POLA1: variants seen among roughly 807,000 people sequenced by gnomAD.
POLA1 encodes the protein DNA polymerase alpha 1, catalytic subunit.
In POLA1, 15 loss-of-function variants were observed where a neutral mutation model predicts 124.0. The ratio of observed to expected loss-of-function variants is 0.12; its 90% CI spans 0.08 to 0.19. POLA1 has a LOEUF of 0.19. Among genes scored for constraint, POLA1 ranks in the 10% least tolerant of loss-of-function variants. The pLI is 1.00. For synonymous variants in POLA1, 408 were observed against 389.4 expected, an observed-to-expected ratio of 1.05 and a Z score of -0.56; for missense variants, 886 against 1,103.4, an observed-to-expected ratio of 0.80 and a Z score of 2.79.
At chrX:24,959,771 C>T (rs1230954521) in intron 36 of POLA1, among the ~76,000 whole-genome samples, 1 of 111,601 alleles carries the variant, frequency 9.0e-6, no homozygotes, top group African/African-American at 3.3e-5. Context: ...TTTAGATGTA[C>T]TGGATTAAAT....
chrX:24,734,625 C>CT (rs1002933829), intron 17 of POLA1, among the ~76,000 whole-genome samples: 11 of 109,899 alleles, frequency 1.0e-4, no homozygotes, highest in South Asian at 7.7e-4. Context: ...GTCAAACCGA[C>CT]TTTTTTTTTG....
chrX:24,907,529 T>G (rs1390647141), intron 35 of POLA1, among the ~76,000 whole-genome samples: 1 of 111,762 alleles, frequency 8.9e-6, no homozygotes, highest in Non-Finnish European at 1.9e-5. Context: ...AAAAAAGATT[T>G]AACTGATGAT....
Position 24,902,053 on chromosome X carries a change from T to A in POLA1, c.4164+13931T>A, listed in dbSNP as rs772911625. Among the ~76,000 whole-genome samples, 14 of 111,709 alleles carry A rather than the reference T, an allele frequency of 1.3e-4. No individual in the cohort carries two copies. The South Asian group carries it at 5.3e-3, about 42-fold the overall frequency. ...ACACCCCTGTACATGCATGTACAGA[T>A]CCCTGAAAGTCATGAGAAGCACAGC... is the stretch of plus-strand genomic sequence containing the variant. On this transcript the variant is annotated intron_variant, in intron 35 of 36. Coordinates refer to ENST00000379068, the MANE Select transcript of POLA1 (RefSeq NM_001330360.2).
chrX:24,936,763 C>G (rs1326163368), intron 36 of POLA1, among the ~76,000 whole-genome samples: 1 of 111,493 alleles, frequency 9.0e-6, no homozygotes, highest in Non-Finnish European at 1.9e-5. Flanking sequence ...GATCTCCTGA[C>G]CTTGTGATCC....
intron 36 of POLA1, among the ~76,000 whole-genome samples, chrX:24,980,230 C>T (rs183620772): frequency 9.0e-6 from 1 of 111,711 alleles, no homozygotes; most frequent in East Asian, 2.8e-4. Flanking sequence ...GTTAACAGAT[C>T]CGACTCTTAC....
intron 4 of POLA1, among the ~76,000 whole-genome samples, chrX:24,706,191 C>T (rs1426506830): frequency 4.5e-5 from 5 of 112,022 alleles, no homozygotes; most frequent in African/African-American, 9.7e-5. Flanking sequence ...ATTCAGTAGC[C>T]ATTATTATCA....
At chrX:24,876,357 G>A (rs149367955) in intron 34 of POLA1, among the ~76,000 whole-genome samples, 4 of 111,539 alleles carry the variant, frequency 3.6e-5, no homozygotes, top group African/African-American at 6.5e-5. Flanking sequence ...ACTTCATCTC[G>A]GCATGTAGAC....
At chrX:24,698,172 CCT>C (rs1483394610) in intron 1 of POLA1, among the ~76,000 whole-genome samples, 1 of 111,013 alleles carries the variant, frequency 9.0e-6, no homozygotes, top group Admixed American at 9.7e-5. Context: ...AAACTCCTGA[CCT>C]CAGGTGATCC....
intron 26 of POLA1, among the ~76,000 whole-genome samples, chrX:24,808,858 A>C (rs1197405178): frequency 1.8e-5 from 2 of 112,020 alleles, no homozygotes; most frequent in Non-Finnish European, 3.8e-5. Flanking sequence ...AGAAAGAAAT[A>C]TAAATGAAGT....
chrX:24,994,156 G>A (rs2048571006), intron 36 of POLA1, among the ~76,000 whole-genome samples: 1 of 112,557 alleles, frequency 8.9e-6, no homozygotes, highest in Admixed American at 9.3e-5. Flanking sequence ...TGGGGCCATT[G>A]TTGTTTATTC....
chrX:24,957,861 ACG>A (rs1236313178), intron 36 of POLA1, among the ~76,000 whole-genome samples: 1 of 109,064 alleles, frequency 9.2e-6, no homozygotes, highest in African/African-American at 3.4e-5. Context: ...ACAAGAGGAG[ACG>A]CGAGGAAAGT....
chrX:24,863,988 A>ATTTT (rs2147102051), intron 34 of POLA1, among the ~76,000 whole-genome samples: 1 of 104,396 alleles, frequency 9.6e-6, no homozygotes, highest in East Asian at 2.9e-4. Flanking sequence ...TTATTTATTT[A>ATTTT]TTTATTTATT....
intron 26 of POLA1, among the ~76,000 whole-genome samples, chrX:24,753,107 G>A (rs1264230905): frequency 1.8e-5 from 2 of 108,845 alleles, no homozygotes; most frequent in East Asian, 5.7e-4. Flanking sequence ...CGCCTCCCGG[G>A]TTCACGCCAT....
intron 34 of POLA1, among the ~76,000 whole-genome samples, chrX:24,885,955 T>A (rs2047059955): frequency 8.9e-6 from 1 of 112,402 alleles, no homozygotes; most frequent in Non-Finnish European, 1.9e-5. Flanking sequence ...GTTTCAGAAA[T>A]AGTAAAACGT....
intron 32 of POLA1, among the ~76,000 whole-genome samples, chrX:24,831,843 G>A: frequency 8.9e-6 from 1 of 112,431 alleles, no homozygotes; most frequent in Non-Finnish European, 1.9e-5. Context: ...ACAAGATGGA[G>A]TGCCATTCCA....
At chrX:24,869,333 C>T (rs1266378738) in intron 34 of POLA1, among the ~76,000 whole-genome samples, 1 of 112,484 alleles carries the variant, frequency 8.9e-6, no homozygotes, top group Non-Finnish European at 1.9e-5. Context: ...AGGGTAGGTA[C>T]ACTTGCAGTA....
chrX:24,731,932 A>G (rs1247808632), intron 15 of POLA1, among the ~76,000 whole-genome samples: 1 of 112,058 alleles, frequency 8.9e-6, no homozygotes, highest in African/African-American at 3.2e-5. Flanking sequence ...ATGTGTTTAC[A>G]TATTTTTATA....
At chrX:24,744,688 C>T (rs1311782690) in intron 23 of POLA1, 3 of 291,768 alleles carry the variant, frequency 1.0e-5, no homozygotes, top group Non-Finnish European at 1.9e-5. Flanking sequence ...CGCGGTGGCT[C>T]ACGCCTGTAA....
intron 26 of POLA1, among the ~76,000 whole-genome samples, chrX:24,763,483 G>C (rs1323728480): frequency 3.6e-5 from 4 of 111,234 alleles, no homozygotes; most frequent in Non-Finnish European, 5.7e-5. Context: ...GGGAGTCATT[G>C]GTTTATAGTC....
Sources: gnomAD v4.1 joint callset for allele counts (sites outside exome capture counted in the v4.1 genomes callset) on GRCh38, gnomAD v4.1.1 for gene constraint, MANE v1.5 for transcripts, NCBI Gene and HGNC (gene_info 2026-07-23, HGNC 2026-07-21) for gene names.